Variants in ZFHX3 observed in about 807,000 individuals in gnomAD.
ZFHX3 encodes the protein zinc finger homeobox 3, also known as zinc finger homeobox protein 3.
ZFHX3 carries 42 observed loss-of-function variants against 279.1 expected under a neutral mutation model. That is an observed-to-expected ratio of 0.15 (90% CI 0.12 to 0.19). The LOEUF (loss-of-function observed/expected upper bound fraction) is 0.19, where lower values mean the gene tolerates loss of function less well. Among genes scored for constraint, ZFHX3 ranks in the 10% least tolerant of loss-of-function variants. ZFHX3 has a pLI of 1.00. For synonymous variants in ZFHX3, 2,293 were observed against 1,957.8 expected (o/e 1.17, Z -4.52); for missense variants, 4,981 against 4,754.0 (o/e 1.05, Z -1.40).
intron 2 of ZFHX3, among the ~76,000 whole-genome samples, chr16:73,503,179 T>C (rs555375615): frequency 6.6e-6 from 1 of 152,300 alleles, no homozygotes; most frequent in Admixed American, 6.5e-5. Context: ...CTCCGAGGTG[T>C]TTGTAGCCAT....
chr16:72,798,130 C>T lies in ZFHX3; in HGVS notation c.4552G>A (p.Gly1518Ser), dbSNP rs200235543. 1.0e-4 allele frequency: 165 copies of T among 1,614,068 alleles called. 1 individual carries two copies. The highest frequency in any genetic ancestry group is 3.6e-5 in the Non-Finnish European group (43 of 1,180,042). ...GGCAGAGCTCTCTTTGGCTCTGAGCCCGAGTCTTCTTGTACTGACCCAGAG... is the reference window on the plus strand; with the variant it reads ...GGCAGAGCTCTCTTTGGCTCTGAGCTCGAGTCTTCTTGTACTGACCCAGAG... Reference protein sequence around the residue: ...SDSGSVQEDSGSEPKRALPFR... With the variant: ...SDSGSVQEDSSSEPKRALPFR... The change falls in exon 9 of 10, where the codon GGC (glycine) becomes AGC (serine). Residue 1518 changes from glycine (G) to serine (S), a missense_variant. Physicochemically the swap from Gly to Ser is moderately conservative, Grantham distance 56. Coordinates refer to ENST00000268489, the MANE Select transcript of ZFHX3 (RefSeq NM_006885.4).
chr16:73,853,723 G>A (rs764522690), intron 1 of ZFHX3, among the ~76,000 whole-genome samples: 32 of 152,198 alleles, frequency 2.1e-4, no homozygotes, highest in South Asian at 4.1e-4. Flanking sequence ...TAACCATCCA[G>A]GTACAATGTT....
At chr16:73,846,732 C>T (rs1294313527) in intron 1 of ZFHX3, among the ~76,000 whole-genome samples, 1 of 151,976 alleles carries the variant, frequency 6.6e-6, no homozygotes, top group African/African-American at 2.4e-5. Context: ...TTCTCAGAGG[C>T]AAATCTTTCA....
intron 4 of ZFHX3, among the ~76,000 whole-genome samples, chr16:73,278,476 A>G (rs2014364257): frequency 6.6e-6 from 1 of 152,230 alleles, no homozygotes; most frequent in African/African-American, 2.4e-5. Context: ...GTGAGTGTCA[A>G]CAGCTCTAAA....
chr16:73,427,827 C>T (rs939282370), intron 3 of ZFHX3, among the ~76,000 whole-genome samples: 16 of 152,018 alleles, frequency 1.1e-4, no homozygotes, highest in African/African-American at 3.4e-4. Context: ...CCTGGAGTCC[C>T]AGCTACTCGG....
At chr16:73,338,716 T>A (rs1199751511) in intron 3 of ZFHX3, among the ~76,000 whole-genome samples, 1 of 152,190 alleles carries the variant, frequency 6.6e-6, no homozygotes, top group East Asian at 1.9e-4. Flanking sequence ...TGCCAGATTA[T>A]CTTTCTGGGT....
intron 8 of ZFHX3, among the ~76,000 whole-genome samples, chr16:73,071,052 G>A (rs1229903919): frequency 9.4e-6 from 1 of 106,728 alleles, no homozygotes; most frequent in African/African-American, 3.9e-5. Flanking sequence ...AGTTTTTTCA[G>A]ATCTGTGGCC....
chr16:73,339,394 C>G (rs1305642282), intron 3 of ZFHX3, among the ~76,000 whole-genome samples: 1 of 152,098 alleles, frequency 6.6e-6, no homozygotes, highest in East Asian at 1.9e-4. Flanking sequence ...CTCACAGGTT[C>G]TATTACGAAG....
chr16:72,829,418 AG>A, intron 5 of ZFHX3: 3 of 212,672 alleles, frequency 1.4e-5, no homozygotes, highest in Admixed American at 5.2e-5. Flanking sequence ...GACCTTCAAT[AG>A]AGGAAGAATG....
chr16:73,085,844 C>A (rs1318941595), intron 8 of ZFHX3, among the ~76,000 whole-genome samples: 1 of 151,766 alleles, frequency 6.6e-6, no homozygotes, highest in Non-Finnish European at 1.5e-5. Flanking sequence ...TTACATTAAG[C>A]CAGGAAGCTT....
chr16:73,090,910 T>TAAAAAAAAA (rs1966068950), intron 8 of ZFHX3, among the ~76,000 whole-genome samples: 1 of 28,380 alleles, frequency 3.5e-5, no homozygotes, highest in African/African-American at 5.7e-4. Flanking sequence ...GATCCCATAT[T>TAAAAAAAAA]GAAAAAAAAA....
intron 1 of ZFHX3, among the ~76,000 whole-genome samples, chr16:73,854,664 G>C (rs1240671600): frequency 7.1e-6 from 1 of 140,318 alleles, no homozygotes. Flanking sequence ...AAAAAAACAC[G>C]GCAAAATACT....
intron 2 of ZFHX3, among the ~76,000 whole-genome samples, chr16:73,605,938 A>G (rs561303256): frequency 6.6e-6 from 1 of 152,010 alleles, no homozygotes; most frequent in African/African-American, 2.4e-5. Context: ...TAATCCCAGC[A>G]TTTTGGGAGA....
intron 3 of ZFHX3, among the ~76,000 whole-genome samples, chr16:73,446,479 A>G (rs1211623576): frequency 6.6e-6 from 1 of 152,172 alleles, no homozygotes; most frequent in Non-Finnish European, 1.5e-5. Flanking sequence ...TGAGAACAGC[A>G]TGGGGAAACC....
chr16:73,533,145 C>T (rs755379927), intron 2 of ZFHX3, among the ~76,000 whole-genome samples: 1 of 152,156 alleles, frequency 6.6e-6, no homozygotes, highest in African/African-American at 2.4e-5. Flanking sequence ...CTGTCTCACA[C>T]TCCAAAGTGA....
chr16:73,194,908 C>T (rs1040730151), intron 5 of ZFHX3, among the ~76,000 whole-genome samples: 28 of 152,178 alleles, frequency 1.8e-4, no homozygotes, highest in Non-Finnish European at 1.9e-4. Context: ...GAAGAACTCT[C>T]TTAAGTATGG....
At chr16:73,729,448 G>T (rs1351085492) in intron 1 of ZFHX3, among the ~76,000 whole-genome samples, 1 of 152,054 alleles carries the variant, frequency 6.6e-6, no homozygotes. Context: ...AGAATCGCTT[G>T]AACCTGGGCG....
At chr16:73,162,457 C>T (rs1301233409) in intron 5 of ZFHX3, among the ~76,000 whole-genome samples, 1 of 152,168 alleles carries the variant, frequency 6.6e-6, no homozygotes, top group Admixed American at 6.5e-5. Context: ...AGAATTATTT[C>T]ATTATATATT....
intron 3 of ZFHX3, among the ~76,000 whole-genome samples, chr16:72,912,547 TC>T (rs2039344806): frequency 6.6e-6 from 1 of 151,968 alleles, no homozygotes; most frequent in Non-Finnish European, 1.5e-5. Context: ...AGAATGGGAG[TC>T]AAAAAGGCTT....
Sources: allele counts gnomAD v4.1 joint callset (sites outside exome capture counted in the v4.1 genomes callset), GRCh38; gene constraint gnomAD v4.1.1; transcripts MANE v1.5; gene names NCBI Gene and HGNC (gene_info 2026-07-23, HGNC 2026-07-21).